The following C6 variants were observed in gnomAD, a reference collection of about 807,000 sequenced individuals.
C6 encodes complement C6, also known as complement component C6.
C6 carries 101 observed loss-of-function variants against 112.9 expected under a neutral mutation model. That is an observed-to-expected ratio of 0.89 (90% CI 0.76 to 1.06). The LOEUF (loss-of-function observed/expected upper bound fraction) is 1.06, where lower values mean the gene tolerates loss of function less well. Among genes scored for constraint, C6 ranks in the 50% least tolerant of loss-of-function variants. C6 has a pLI of 0.00. For missense variants in C6, 1,202 were observed against 1,104.6 expected (o/e 1.09, Z -1.25); for synonymous variants, 431 against 384.1 (o/e 1.12, Z -1.43).
chr5:41,206,638 C>T (rs1471068216), intron 1 of C6, among the ~76,000 whole-genome samples: 5 of 151,902 alleles, frequency 3.3e-5, no homozygotes, highest in Non-Finnish European at 5.9e-5. Flanking sequence ...GATTGAAGAT[C>T]AAATGAATGA....
intron 14 of C6, 113 bp from the exon 15 acceptor site, chr5:41,154,111 A>G (rs1204389014): frequency 1.3e-5 from 11 of 847,666 alleles, no homozygotes; most frequent in Non-Finnish European, 2.0e-5. Context: ...GCATCTGTTC[A>G]GCTTTGGTGC....
chr5:41,243,836 T>C (rs1362336753), intron 1 of C6, among the ~76,000 whole-genome samples: 1 of 151,912 alleles, frequency 6.6e-6, no homozygotes, highest in African/African-American at 2.4e-5. Context: ...GCTGGGGAGG[T>C]GGTAGAAAAA....
At chr5:41,170,205 C>T (rs1035498) in intron 9 of C6, among the ~76,000 whole-genome samples, 3,301 of 151,886 alleles carry the variant, frequency 0.022, 125 homozygotes, top group African/African-American at 0.075. Flanking sequence ...ATTTGTCATT[C>T]CATTTCCATC....
At chr5:41,220,725 C>A (rs1487068169) in intron 1 of C6, among the ~76,000 whole-genome samples, 1 of 151,764 alleles carries the variant, frequency 6.6e-6, no homozygotes, top group Non-Finnish European at 1.5e-5. Context: ...AAAATGATTT[C>A]AACTTTTATT....
intron 9 of C6, 66 bp downstream of exon 9, chr5:41,172,159 A>G (rs1748471996): frequency 1.1e-5 from 16 of 1,516,530 alleles, no homozygotes; most frequent in East Asian, 2.3e-5. Flanking sequence ...CACATCCAAT[A>G]TGGTCTGTAA....
chr5:41,252,709 G>A (rs945324184), intron 1 of C6, among the ~76,000 whole-genome samples: 2 of 152,176 alleles, frequency 1.3e-5, no homozygotes, highest in Non-Finnish European at 2.9e-5. Context: ...TACCTTTTAA[G>A]TTCTGATAAG....
intron 1 of C6, among the ~76,000 whole-genome samples, chr5:41,231,786 G>C (rs1252051991): frequency 6.6e-6 from 1 of 151,692 alleles, no homozygotes; most frequent in South Asian, 2.1e-4. Flanking sequence ...GTCTTGCCTG[G>C]TAATTTTTTA....
chr5:41,256,204 T>C (rs1418152230), intron 1 of C6, among the ~76,000 whole-genome samples: 1 of 151,850 alleles, frequency 6.6e-6, no homozygotes, highest in African/African-American at 2.4e-5. Flanking sequence ...GACATTTGGG[T>C]TGGTTCCAAG....
At chr5:41,250,358 G>A (rs1464200158) in intron 1 of C6, among the ~76,000 whole-genome samples, 3 of 152,242 alleles carry the variant, frequency 2.0e-5, no homozygotes, top group African/African-American at 7.2e-5. Flanking sequence ...TTCTAAGCAC[G>A]TTTTTAGAGC....
In C6 at chr5:41,236,949, C is replaced by G. The variant is rs867670467; in HGVS notation, c.-21+24245G>C. Among the ~76,000 whole-genome samples the G allele has an allele frequency of 5.4e-3, 822 of 151,622 alleles. 6 individuals are homozygous for G. The highest frequency in any genetic ancestry group is 0.019 in the African/African-American group (781 of 41,240). ...TACCATCAGAGAATACTACAAACAC[C>G]TCTATGCAAATAAACTAGAAAATCT... On this transcript the variant is annotated intron_variant, in intron 1 of 17. Coordinates refer to the C6 transcript ENST00000263413.
intron 4 of C6, among the ~76,000 whole-genome samples, chr5:41,196,526 G>T (rs1750633922): frequency 6.6e-6 from 1 of 151,790 alleles, no homozygotes; most frequent in Non-Finnish European, 1.5e-5. Context: ...ATAGAAATCT[G>T]TATTTTCTAT....
chr5:41,160,096 T>C lies in C6; in HGVS notation c.1684+46A>G, dbSNP rs1173222385. ...TAATTGACCAACTTAGAATACTCTT[T>C]GGAGGGGAAAACTTATCTACCTCAC... On this transcript the variant is annotated intron_variant, in intron 11 of 17. Transcript: ENST00000337836. The C allele has an allele frequency of 2.0e-6, 3 of 1,464,084 alleles. No homozygotes were observed. In the East Asian group the frequency reaches 6.8e-5, roughly 33 times the overall value. 90.7% of individuals were successfully genotyped at this position (1,464,084 alleles called of 1,614,324 possible). A position where few individuals can be genotyped will look rare whatever the true frequency, so the allele number is the denominator to read the frequency against.
At chr5:41,199,952 G>A in intron 3 of C6, 40 bp from the exon 4 acceptor site, 1 of 1,608,790 alleles carries the variant, frequency 6.2e-7, no homozygotes, top group East Asian at 2.2e-5. Context: ...CTGAGGCAGG[G>A]TCAAGGTCAA....
chr5:41,153,859 C>T lies in C6; in HGVS notation c.2241G>A (p.Gln747=). ...AAATGGGTGGTGTCCAGGAATTCCC[C>T]TGGCATGTGTACCTTGATGGCCCAG... is the stretch of plus-strand genomic sequence containing the variant. ...VVAGPSRYTC[Q]GNSWTPPISN... is the part of the protein sequence containing the mutation. Residue 747 remains glutamine (Q), a synonymous_variant, in exon 15 of 18, where the codon CAG becomes CAA. Coordinates refer to ENST00000337836, the MANE Select transcript of C6 (RefSeq NM_000065.5). The T allele has an allele frequency of 6.2e-7, 1 of 1,613,700 alleles. No individual in the cohort carries two copies. The highest frequency in any genetic ancestry group is 1.1e-5 in the South Asian group (1 of 91,076).
chr5:41,229,019 G>A (rs1410411442), intron 1 of C6, among the ~76,000 whole-genome samples: 1 of 152,128 alleles, frequency 6.6e-6, no homozygotes, highest in Admixed American at 6.5e-5. Flanking sequence ...GGAGGCTGAG[G>A]CAGAAGAATC....
chr5:41,202,854 G>A (rs1751138297), intron 2 of C6, among the ~76,000 whole-genome samples: 1 of 152,206 alleles, frequency 6.6e-6, no homozygotes, highest in Non-Finnish European at 1.5e-5. Flanking sequence ...TCAACTGAAA[G>A]TGTTGCACAG....
At chr5:41,169,623 G>A (rs1194116524) in intron 9 of C6, among the ~76,000 whole-genome samples, 1 of 152,008 alleles carries the variant, frequency 6.6e-6, no homozygotes, top group Non-Finnish European at 1.5e-5. Flanking sequence ...GGGAGGCCTC[G>A]GGAAACTTGC....
chr5:41,159,132 C>T lies in C6; in HGVS notation c.1806G>A (p.Glu602=), dbSNP rs1241770197. The change falls in exon 12 of 18, where the codon GAG becomes GAA. Residue 602 remains glutamate (E), a synonymous_variant. Transcript: ENST00000337836. The part of the protein sequence containing the change: ...PAPQRGGKRC[E]GEKRQEEDCT... ...AGTCTTCCTCTTGTCGCTTCTCCCC[C>T]TCACAGCGTTTCCCTCCTCGTTGGG... 1 of 1,613,752 alleles carries T rather than the reference C, an allele frequency of 6.2e-7. No individual in the cohort carries two copies. Among genetic ancestry groups the T allele is most frequent in the Non-Finnish European group, 8.5e-7 (1 of 1,179,774 alleles).
At position 41,150,001 on chromosome 5, in the gene C6, T is replaced by A; in HGVS notation, c.2315A>T (p.His772Leu). Residue 772 changes from histidine to leucine, a missense_variant, in exon 16 of 18, where the codon CAT becomes CTT. By Grantham distance (99) the His-to-Leu change is moderately conservative. Coordinates refer to ENST00000337836, the MANE Select transcript of C6 (RefSeq NM_000065.5). ...EKDTLTKLKG[H>L]CQLGQKQSGS... is the part of the protein sequence containing the mutation. ...TGATTGTTTCTGTCCCAGCTGACAA[T>A]GGCCTTTTAATTTTGTTAGAGTATC... 6.2e-7 allele frequency: 1 copy of A among 1,612,670 alleles called. No homozygotes were observed. Among genetic ancestry groups the A allele is most frequent in the Non-Finnish European group, 8.5e-7 (1 of 1,178,842 alleles).
Sources: allele counts gnomAD v4.1 joint callset (sites outside exome capture counted in the v4.1 genomes callset), GRCh38; gene constraint gnomAD v4.1.1; transcripts MANE v1.5; gene names NCBI Gene and HGNC (gene_info 2026-07-23, HGNC 2026-07-21).